Variants in DHX35 observed in about 807,000 individuals in gnomAD.
DHX35 encodes probable ATP-dependent RNA helicase DHX35.
A neutral mutation model predicts 99.6 loss-of-function variants in DHX35; 84 were observed. That is an observed-to-expected ratio of 0.84 (90% CI 0.71 to 1.01). DHX35 has a LOEUF of 1.01. Ranked by LOEUF, DHX35 falls within the 50% of genes least tolerant of loss-of-function variation. DHX35 has a pLI of 0.00. For missense variants in DHX35, 852 were observed against 888.5 expected, an observed-to-expected ratio of 0.96 and a Z score of 0.52; for synonymous variants, 331 against 316.2, an observed-to-expected ratio of 1.05 and a Z score of -0.50.
chr20:39,017,323 A>G (rs995410513), intron 14 of DHX35, among the ~76,000 whole-genome samples: 1 of 151,856 alleles, frequency 6.6e-6, no homozygotes, highest in African/African-American at 2.4e-5. Context: ...TTTACATAAG[A>G]TCAGCCTGGA....
At chr20:39,025,048 A>C (rs2086931489) in intron 17 of DHX35, among the ~76,000 whole-genome samples, 182 bp from the exon 18 acceptor site, 1 of 152,256 alleles carries the variant, frequency 6.6e-6, no homozygotes, top group African/African-American at 2.4e-5. Context: ...CAGAGCAGTC[A>C]GATGTGTGCA....
At chr20:38,987,695 A>G (rs1003489145) in intron 4 of DHX35, among the ~76,000 whole-genome samples, 3 of 152,164 alleles carry the variant, frequency 2.0e-5, no homozygotes, top group Admixed American at 6.5e-5. Context: ...TCTTTCCTGC[A>G]TTCATTTTTT....
intron 21 of DHX35, among the ~76,000 whole-genome samples, chr20:39,037,681 C>G (rs1006952669): frequency 7.9e-5 from 12 of 152,122 alleles, no homozygotes; most frequent in African/African-American, 2.7e-4. Flanking sequence ...TTAGGGATCT[C>G]TTGGTTATTG....
At chr20:39,001,171 A>G (rs570983601) in intron 8 of DHX35, among the ~76,000 whole-genome samples, 1 of 152,322 alleles carries the variant, frequency 6.6e-6, no homozygotes, top group South Asian at 2.1e-4. Context: ...CCTACCCCAT[A>G]CAAAGCCTCG....
intron 8 of DHX35, among the ~76,000 whole-genome samples, chr20:38,997,819 A>G (rs186950362): frequency 1.1e-3 from 160 of 152,298 alleles, no homozygotes; most frequent in African/African-American, 3.7e-3. Flanking sequence ...AATGAGGACT[A>G]TGTGGGAGTG....
chr20:38,970,554 A>G (rs2085979642), intron 2 of DHX35, among the ~76,000 whole-genome samples: 2 of 152,240 alleles, frequency 1.3e-5, no homozygotes, highest in South Asian at 4.1e-4. Flanking sequence ...GCTAGACTTC[A>G]GGGTTCAAAC....
rs1268067707 is a variant in DHX35, at chr20:39,004,288, A to T, written c.1011+381A>T. On this transcript the variant is annotated intron_variant, in intron 11 of 21. Coordinates refer to ENST00000252011, the MANE Select transcript of DHX35 (RefSeq NM_021931.4). Reference sequence around the variant, plus strand: ...CACTAAGTTAGCCAGGATGGTCTCGATCTCCTGACCTTGTGATCCGCCCAC... The same window carrying T: ...CACTAAGTTAGCCAGGATGGTCTCGTTCTCCTGACCTTGTGATCCGCCCAC... Among the ~76,000 whole-genome samples the T allele has an allele frequency of 2.6e-5, 4 of 152,042 alleles. No homozygotes were observed. In the South Asian group the frequency reaches 8.3e-4, roughly 32 times the overall value.
At chr20:39,032,470 C>T (rs1252133644) in intron 20 of DHX35, among the ~76,000 whole-genome samples, 1 of 152,094 alleles carries the variant, frequency 6.6e-6, no homozygotes, top group Non-Finnish European at 1.5e-5. Context: ...CTGTGCCTGG[C>T]CCAGATTGGA....
At chr20:39,023,904 A>G (rs955360538) in intron 17 of DHX35, 137 bp downstream of exon 17, 1 of 696,984 alleles carries the variant, frequency 1.4e-6, no homozygotes, top group Non-Finnish European at 2.4e-6. Flanking sequence ...ATTTATTGCC[A>G]GTACTTCTAA....
chr20:39,000,667 G>A (rs1302907707), intron 8 of DHX35, among the ~76,000 whole-genome samples: 6 of 152,114 alleles, frequency 3.9e-5, no homozygotes, highest in Non-Finnish European at 5.9e-5. Context: ...GATGCCATTC[G>A]TTAGCACAGC....
intron 15 of DHX35, among the ~76,000 whole-genome samples, chr20:39,020,421 G>C (rs1268980825): frequency 6.6e-6 from 1 of 152,150 alleles, no homozygotes; most frequent in African/African-American, 2.4e-5. Flanking sequence ...GAGGACATGG[G>C]TTCTAGGTTA....
intron 7 of DHX35, among the ~76,000 whole-genome samples, chr20:38,992,980 T>A (rs2086364190): frequency 6.6e-6 from 1 of 152,238 alleles, no homozygotes; most frequent in South Asian, 2.1e-4. Flanking sequence ...ATGACCCCCA[T>A]GTACCCTTCA....
At chr20:39,026,197 C>T (rs2086954416) in intron 18 of DHX35, among the ~76,000 whole-genome samples, 1 of 152,142 alleles carries the variant, frequency 6.6e-6, no homozygotes, top group African/African-American at 2.4e-5. Flanking sequence ...CTGAGTGTTC[C>T]ATGTGTTTAT....
At chr20:38,979,854 TA>T (rs11476489) in intron 3 of DHX35, among the ~76,000 whole-genome samples, 26,584 of 140,574 alleles carry the variant, frequency 0.19, 2,450 homozygotes, top group Middle Eastern at 0.31. Context: ...TAGAGTTCTG[TA>T]AAAAAAAAAA....
At chr20:39,002,060 C>T (rs2086529775) in intron 9 of DHX35, among the ~76,000 whole-genome samples, 2 of 152,156 alleles carry the variant, frequency 1.3e-5, no homozygotes, top group Non-Finnish European at 2.9e-5. Flanking sequence ...AGTCTGTGGC[C>T]AGTAGCTCAG....
At chr20:39,032,755 C>T (rs545022885) in intron 20 of DHX35, among the ~76,000 whole-genome samples, 1 of 152,308 alleles carries the variant, frequency 6.6e-6, no homozygotes, top group African/African-American at 2.4e-5. Context: ...GCCTAGGACT[C>T]CATTTTAACA....
At chr20:39,030,358 G>T in intron 19 of DHX35, 1 of 246,516 alleles carries the variant, frequency 4.1e-6, no homozygotes, top group Non-Finnish European at 7.9e-6. Flanking sequence ...TTAGATTATA[G>T]AAGAAATCAC....
chr20:38,986,067 A>G (rs2086244553), intron 4 of DHX35, among the ~76,000 whole-genome samples: 1 of 152,152 alleles, frequency 6.6e-6, no homozygotes, highest in African/African-American at 2.4e-5. Context: ...GTCTTATTTC[A>G]GTTTCCTCAT....
At position 38,962,721 on chromosome 20, in the gene DHX35, C is replaced by T. The variant is rs753324859; in HGVS notation, c.40+314C>T. 1.0e-5 allele frequency: 4 copies of T among 383,358 alleles called. No individual in the cohort carries two copies. In the South Asian group the frequency reaches 1.5e-4, roughly 14 times the overall value. 23.7% of individuals were successfully genotyped at this position (383,358 alleles called of 1,614,324 possible). ...GATGGGGAATCCTAAAGCTCCCTCT[C>T]GTGTCTCGTTAGCGCCCTGGGGTTG... On this transcript the variant is annotated intron_variant, in intron 1 of 21. Coordinates refer to ENST00000252011, the MANE Select transcript of DHX35 (RefSeq NM_021931.4).
Sources: allele counts gnomAD v4.1 joint callset (sites outside exome capture counted in the v4.1 genomes callset), GRCh38; gene constraint gnomAD v4.1.1; transcripts MANE v1.5; gene names NCBI Gene and HGNC (gene_info 2026-07-23, HGNC 2026-07-21).